Variants in KLF8 observed in about 807,000 individuals in gnomAD.
The protein encoded by KLF8 is Krueppel-like factor 8.
Under a neutral mutation model 18.2 loss-of-function variants are expected in KLF8, and 10 were observed. The ratio of observed to expected loss-of-function variants is 0.55; its 90% CI spans 0.34 to 0.93. The LOEUF (loss-of-function observed/expected upper bound fraction) is 0.93. Ranked by LOEUF, KLF8 falls within the 40% of genes least tolerant of loss-of-function variation. The pLI, the probability that KLF8 is intolerant of heterozygous loss-of-function variation, is 0.02. For missense variants in KLF8, 264 were observed against 277.9 expected (o/e 0.95, Z 0.36); for synonymous variants, 109 against 97.3 (o/e 1.12, Z -0.71).
chrX:56,025,663 G>A, the KLF8 span, among the ~76,000 whole-genome samples: 1 of 111,420 alleles, frequency 9.0e-6, no homozygotes, highest in African/African-American at 3.3e-5. Flanking sequence ...TCTTTCTTCT[G>A]TTCTAGCTAT....
chrX:55,944,616 C>T, the KLF8 span, among the ~76,000 whole-genome samples: 7 of 111,454 alleles, frequency 6.3e-5, no homozygotes, highest in South Asian at 3.7e-4. Flanking sequence ...AGTTTATTTG[C>T]GTAGAGGTGT....
chrX:55,913,769 G>A, the KLF8 span, among the ~76,000 whole-genome samples: 1 of 112,083 alleles, frequency 8.9e-6, no homozygotes, highest in Non-Finnish European at 1.9e-5. Flanking sequence ...CAGGCAGGAA[G>A]AATCTTATTA....
the KLF8 span, among the ~76,000 whole-genome samples, chrX:56,159,484 C>T: frequency 8.9e-6 from 1 of 112,640 alleles, no homozygotes; most frequent in Non-Finnish European, 1.9e-5. Flanking sequence ...CCTTGTACCT[C>T]TGGTAGAATT....
chrX:56,100,847 G>A, the KLF8 span, among the ~76,000 whole-genome samples: 4 of 112,136 alleles, frequency 3.6e-5, no homozygotes, highest in Non-Finnish European at 7.5e-5. Flanking sequence ...CATTTTTTAA[G>A]CATCTTTATT....
the KLF8 span, among the ~76,000 whole-genome samples, chrX:56,083,606 C>T: frequency 9.0e-6 from 1 of 111,725 alleles, no homozygotes; most frequent in African/African-American, 3.3e-5. Context: ...TTTATCTGGG[C>T]TAGATGATCT....
chrX:56,240,749 T>C (rs1470792687), intron 1 of KLF8, among the ~76,000 whole-genome samples: 1 of 111,650 alleles, frequency 9.0e-6, no homozygotes, highest in Non-Finnish European at 1.9e-5. Context: ...AAAAAGAGCT[T>C]TGGTATCAAA....
chrX:56,074,120 T>C, the KLF8 span, among the ~76,000 whole-genome samples: 1 of 111,962 alleles, frequency 8.9e-6, no homozygotes, highest in East Asian at 2.8e-4. Flanking sequence ...CTTCTCAAGA[T>C]TTTGGCCTAT....
rs1057161720 is a variant in KLF8, at chrX:56,262,282, T to G, written c.82-2898T>G. ...CTGTATCTCATCAAGGCAATAAGAA[T>G]AGGCTATCAGTTCTTCAGTTTCTTG... is the stretch of plus-strand genomic sequence containing the variant. On this transcript the variant is annotated intron_variant, in intron 2 of 5. Coordinates refer to ENST00000468660, the MANE Select transcript of KLF8 (RefSeq NM_007250.5). Among the ~76,000 whole-genome samples, 8 of 112,099 alleles carry G rather than the reference T, an allele frequency of 7.1e-5. No individual in the cohort carries two copies. The South Asian group carries it at 1.1e-3, about 16-fold the overall frequency.
chrX:55,947,370 A>T, the KLF8 span, among the ~76,000 whole-genome samples: 4 of 109,152 alleles, frequency 3.7e-5, no homozygotes, highest in Admixed American at 2.9e-4. Flanking sequence ...CATCATTCTC[A>T]GTAAACTATC....
the KLF8 span, among the ~76,000 whole-genome samples, chrX:56,084,374 C>G: frequency 1.8e-5 from 2 of 110,566 alleles, no homozygotes; most frequent in East Asian, 2.8e-4. Context: ...TAGTGAGACC[C>G]TGAAAACAAA....
the KLF8 span, among the ~76,000 whole-genome samples, chrX:56,064,184 T>C: frequency 2.8e-5 from 3 of 107,841 alleles, no homozygotes; most frequent in Non-Finnish European, 5.7e-5. Flanking sequence ...CAGGATGCAG[T>C]CTTGTGTGGG....
chrX:56,046,617 A>C, the KLF8 span, among the ~76,000 whole-genome samples: 1 of 109,351 alleles, frequency 9.1e-6, no homozygotes, highest in East Asian at 2.9e-4. Context: ...GAAAAAAAAA[A>C]CGGTACCTTT....
the KLF8 span, chrX:55,908,291 C>T: frequency 3.6e-6 from 1 of 274,165 alleles, no homozygotes; most frequent in Non-Finnish European, 6.4e-6. Context: ...GCAGAAAGGT[C>T]CGGGGTATTG....
At chrX:56,212,053 C>A in the KLF8 span, among the ~76,000 whole-genome samples, 1 of 111,246 alleles carries the variant, frequency 9.0e-6, no homozygotes, top group Non-Finnish European at 1.9e-5. Context: ...GGCCTGGGTC[C>A]TTTTCTTCAA....
At chrX:55,985,161 G>A in the KLF8 span, among the ~76,000 whole-genome samples, 31 of 111,065 alleles carry the variant, frequency 2.8e-4, no homozygotes, top group Non-Finnish European at 4.5e-4. Flanking sequence ...TGCTTTTGTC[G>A]CAATTGCTCT....
At chrX:56,086,318 G>A in the KLF8 span, among the ~76,000 whole-genome samples, 2 of 111,553 alleles carry the variant, frequency 1.8e-5, no homozygotes, top group Non-Finnish European at 3.8e-5. Flanking sequence ...TCTGGCCTTA[G>A]TGACTCCACC....
At chrX:56,102,094 T>G in the KLF8 span, among the ~76,000 whole-genome samples, 1 of 112,119 alleles carries the variant, frequency 8.9e-6, no homozygotes, top group East Asian at 2.8e-4. Flanking sequence ...GTCTTATATT[T>G]AAATCTTTAA....
At chrX:56,087,672 G>T in the KLF8 span, among the ~76,000 whole-genome samples, 4 of 111,647 alleles carry the variant, frequency 3.6e-5, no homozygotes, top group African/African-American at 9.7e-5. Flanking sequence ...TCCAAGCAAA[G>T]CTGCCCAATT....
chrX:56,089,625 G>A, the KLF8 span, among the ~76,000 whole-genome samples: 1 of 112,375 alleles, frequency 8.9e-6, no homozygotes, highest in East Asian at 2.8e-4. Context: ...AGTCTTCAAA[G>A]TTTGAGACAC....
Sources: gnomAD v4.1 joint callset for allele counts (sites outside exome capture counted in the v4.1 genomes callset) on GRCh38, gnomAD v4.1.1 for gene constraint, MANE v1.5 for transcripts, NCBI Gene and HGNC (gene_info 2026-07-23, HGNC 2026-07-21) for gene names.